The following SLC16A5 variants were observed in gnomAD, a reference collection of about 807,000 sequenced individuals.
The protein encoded by SLC16A5 is monocarboxylate transporter 6.
A neutral mutation model predicts 33.2 loss-of-function variants in SLC16A5; 29 were observed. That is an observed-to-expected ratio of 0.87 (90% CI 0.65 to 1.19). SLC16A5 has a LOEUF of 1.19. Ranked by LOEUF, SLC16A5 falls within the 50% of genes most tolerant of loss-of-function variation. The pLI is 0.00. For synonymous variants in SLC16A5, 248 were observed against 284.1 expected, an observed-to-expected ratio of 0.87 and a Z score of 1.28; for missense variants, 606 against 678.2, an observed-to-expected ratio of 0.89 and a Z score of 1.18.
intron 2 of SLC16A5, among the ~76,000 whole-genome samples, chr17:75,091,485 T>G (rs2073637067): frequency 6.6e-6 from 1 of 152,144 alleles, no homozygotes; most frequent in African/African-American, 2.4e-5. Flanking sequence ...TCACACACCC[T>G]CACACCCTGA....
At chr17:75,097,214 TC>T (rs1253566684) in intron 3 of SLC16A5, among the ~76,000 whole-genome samples, 2 of 151,740 alleles carry the variant, frequency 1.3e-5, no homozygotes, top group Non-Finnish European at 2.9e-5. Context: ...CGCACACACT[TC>T]CCTGTCCCTT....
intron 2 of SLC16A5, among the ~76,000 whole-genome samples, chr17:75,091,321 G>A (rs951689230): frequency 6.6e-6 from 1 of 152,202 alleles, no homozygotes; most frequent in Admixed American, 6.5e-5. Flanking sequence ...CAGAAATCTT[G>A]GGAGAGGCCA....
chr17:75,108,494 G>C (rs972182173), downstream of SLC16A5, among the ~76,000 whole-genome samples: 1 of 152,180 alleles, frequency 6.6e-6, no homozygotes, highest in Non-Finnish European at 1.5e-5. Context: ...TTCCAATGGG[G>C]CTGCAGCTGG....
chr17:75,110,040 C>G (rs2073895953), downstream of SLC16A5: 1 of 490,398 alleles, frequency 2.0e-6, no homozygotes, highest in Non-Finnish European at 3.6e-6. Context: ...AGACGGTTCC[C>G]TGTCTCCCGC....
intron 5 of SLC16A5, among the ~76,000 whole-genome samples, chr17:75,102,143 T>A (rs1369314655): frequency 6.6e-6 from 1 of 152,178 alleles, no homozygotes; most frequent in East Asian, 1.9e-4. Flanking sequence ...CGAGAGCACC[T>A]GCCCTAATCA....
At chr17:75,101,334 G>A (rs1437357965) in intron 5 of SLC16A5, among the ~76,000 whole-genome samples, 1 of 151,458 alleles carries the variant, frequency 6.6e-6, no homozygotes, top group Non-Finnish European at 1.5e-5. Flanking sequence ...GCTGAGGCGG[G>A]TGGATCACGA....
intron 4 of SLC16A5, among the ~76,000 whole-genome samples, chr17:75,099,339 G>A (rs1287090293): frequency 6.6e-6 from 1 of 152,200 alleles, no homozygotes; most frequent in Non-Finnish European, 1.5e-5. Flanking sequence ...CCAGGGCATT[G>A]TGGAGACTGT....
chr17:75,093,629 A>C lies in SLC16A5; in HGVS notation c.-8A>C. The C allele has an allele frequency of 6.2e-7, 1 of 1,606,708 alleles. No homozygotes were observed. Among genetic ancestry groups the C allele is most frequent in the Non-Finnish European group, 8.5e-7 (1 of 1,178,130 alleles). ...GCAGTGAGGCCGTGGCAGCGTCGGC[A>C]GCAGAGGATGCCCCAGGCCCTGGAG... On this transcript the variant is annotated 5_prime_UTR_variant, in exon 3 of 7. Coordinates refer to ENST00000329783, the MANE Select transcript of SLC16A5 (RefSeq NM_004695.4).
intron 2 of SLC16A5, among the ~76,000 whole-genome samples, chr17:75,091,054 G>T (rs1232493720): frequency 6.6e-6 from 1 of 152,066 alleles, no homozygotes; most frequent in African/African-American, 2.4e-5. Flanking sequence ...CAGGGCTGGG[G>T]TCCAGCCTCC....
chr17:75,108,361 A>G (rs750232054), downstream of SLC16A5, among the ~76,000 whole-genome samples: 2 of 152,194 alleles, frequency 1.3e-5, no homozygotes, highest in Admixed American at 6.5e-5. Context: ...AGAGAAGCCA[A>G]AGGGCTTTGG....
chr17:75,110,130 C>G, downstream of SLC16A5: 1 of 672,016 alleles, frequency 1.5e-6, no homozygotes, highest in Non-Finnish European at 2.5e-6. Flanking sequence ...TTTCCAGCTG[C>G]AAATTACTGC....
At chr17:75,102,121 G>A (rs2073807744) in intron 5 of SLC16A5, among the ~76,000 whole-genome samples, 1 of 152,142 alleles carries the variant, frequency 6.6e-6, no homozygotes, top group African/African-American at 2.4e-5. Flanking sequence ...AGTGCCATCT[G>A]CAAAATGCAG....
intron 5 of SLC16A5, among the ~76,000 whole-genome samples, chr17:75,102,407 CGAAA>C (rs1191798128): frequency 1.4e-5 from 2 of 141,738 alleles, no homozygotes; most frequent in African/African-American, 6.1e-5. Flanking sequence ...AACTCCAACT[CGAAA>C]AAAATAAAAG....
chr17:75,093,092 A>G (rs899137374), intron 2 of SLC16A5, among the ~76,000 whole-genome samples: 5 of 151,976 alleles, frequency 3.3e-5, no homozygotes, highest in Non-Finnish European at 5.9e-5. Flanking sequence ...AACAGCACCA[A>G]TAGTAACTTT....
At position 75,093,813 on chromosome 17, in the gene SLC16A5, C is replaced by T; in HGVS notation, c.177C>T (p.Leu59=). 4 of 1,614,120 alleles carry T rather than the reference C, an allele frequency of 2.5e-6. No homozygotes were observed. Among genetic ancestry groups the T allele is most frequent in the African/African-American group, 1.3e-5 (1 of 75,048 alleles). The change falls in exon 3 of 7, where the codon CTC becomes CTT. Residue 59 remains leucine, a synonymous_variant. Coordinates refer to ENST00000329783, the MANE Select transcript of SLC16A5 (RefSeq NM_004695.4). The part of the protein sequence containing the change: ...NSETSWFPSI[L]TAVLHMAGPL... ...AGACCTCTTGGTTCCCCTCCATCCT[C>T]ACGGCTGTGCTCCACATGGCAGGTG...
chr17:75,105,985 G>C lies in SLC16A5; in HGVS notation c.1470G>C (p.Ala490=). The part of the protein sequence containing the change: ...TSHEWLLWPK[A]VLQAKQTALG... ...ATGAGTGGCTCTTATGGCCAAAGGCGGTACTGCAGGCCAAGCAAACGGCTC... is the reference window on the plus strand; with the variant it reads ...ATGAGTGGCTCTTATGGCCAAAGGCCGTACTGCAGGCCAAGCAAACGGCTC... Residue 490 remains alanine (A), a synonymous_variant, in exon 7 of 7, where the codon GCG becomes GCC. Transcript: ENST00000329783. 1 of 1,607,828 alleles carries C rather than the reference G, an allele frequency of 6.2e-7. No homozygotes were observed. Among genetic ancestry groups the C allele is most frequent in the Middle Eastern group, 1.7e-4 (1 of 6,054 alleles).
In SLC16A5 at chr17:75,105,928, T is replaced by A; in HGVS notation, c.1413T>A (p.Leu471=). 2 of 1,611,880 alleles carry A rather than the reference T, an allele frequency of 1.2e-6. No homozygotes were observed. The highest frequency in any genetic ancestry group is 1.7e-6 in the Non-Finnish European group (2 of 1,178,428). ...GTCCAGCTGGCGTCAATAAGCATCT[T>A]TGGGGATGTCCTGCCTCCTCCAGGA... ...QPRPAGVNKH[L]WGCPASSRTS... The change falls in exon 7 of 7, where the codon CTT becomes CTA. Residue 471 remains leucine, a synonymous_variant. Coordinates refer to ENST00000329783, the MANE Select transcript of SLC16A5 (RefSeq NM_004695.4).
chr17:75,089,640 G>A (rs1044941690), intron 2 of SLC16A5, among the ~76,000 whole-genome samples: 2 of 151,712 alleles, frequency 1.3e-5, no homozygotes, highest in African/African-American at 4.8e-5. Context: ...TGTAATCCCA[G>A]CTACTTCGGA....
intron 2 of SLC16A5, 156 bp from the exon 3 acceptor site, chr17:75,093,433 G>C: frequency 1.3e-6 from 2 of 1,535,880 alleles, no homozygotes; most frequent in Non-Finnish European, 1.7e-6. Context: ...GCCAACGCGT[G>C]GGCCTCTGGC....
Sources: allele counts gnomAD v4.1 joint callset (sites outside exome capture counted in the v4.1 genomes callset), GRCh38; gene constraint gnomAD v4.1.1; transcripts MANE v1.5; gene names NCBI Gene and HGNC (gene_info 2026-07-23, HGNC 2026-07-21).